Variants in DCC observed in about 807,000 individuals in gnomAD.
DCC encodes DCC netrin 1 receptor.
In DCC, 58 loss-of-function variants were observed where a neutral mutation model predicts 172.5. The ratio of observed to expected loss-of-function variants is 0.34; its 90% CI spans 0.27 to 0.42. The LOEUF is 0.42. Among genes scored for constraint, DCC ranks in the 10% least tolerant of loss-of-function variants. The pLI is 1.00. For synonymous variants in DCC, 709 were observed against 644.5 expected, an observed-to-expected ratio of 1.10 and a Z score of -1.52; for missense variants, 1,740 against 1,791.0, an observed-to-expected ratio of 0.97 and a Z score of 0.51.
At chr18:53,527,263 A>C (rs1014307666) in intron 28 of DCC, among the ~76,000 whole-genome samples, 2 of 151,138 alleles carry the variant, frequency 1.3e-5, no homozygotes, top group Non-Finnish European at 2.9e-5. Flanking sequence ...GCTAGAGGGT[A>C]GTGGCTATTC....
intron 1 of DCC, among the ~76,000 whole-genome samples, chr18:52,499,055 C>T (rs1037428037): frequency 7.2e-5 from 11 of 152,156 alleles, no homozygotes; most frequent in Non-Finnish European, 1.5e-4. Flanking sequence ...CATGATGTCC[C>T]ATTGTCACTG....
intron 13 of DCC, among the ~76,000 whole-genome samples, chr18:53,315,111 C>T (rs1568050509): frequency 6.6e-6 from 1 of 152,176 alleles, no homozygotes; most frequent in Non-Finnish European, 1.5e-5. Flanking sequence ...TATCCCTCCC[C>T]TAGCCCCCCA....
chr18:53,381,344 G>T (rs1907716741), intron 15 of DCC, among the ~76,000 whole-genome samples: 2 of 151,946 alleles, frequency 1.3e-5, no homozygotes, highest in African/African-American at 2.4e-5. Flanking sequence ...GCATCTGGGT[G>T]GTGGGAACAG....
At chr18:53,403,084 A>T (rs1319979172) in intron 19 of DCC, among the ~76,000 whole-genome samples, 191 bp downstream of exon 19, 3 of 80,834 alleles carry the variant, frequency 3.7e-5, no homozygotes, top group Admixed American at 1.1e-4. Context: ...GCACACACAC[A>T]CACACACACA....
At chr18:52,587,534 AT>A (rs2033702171) in intron 1 of DCC, among the ~76,000 whole-genome samples, 1 of 152,068 alleles carries the variant, frequency 6.6e-6, no homozygotes, top group Non-Finnish European at 1.5e-5. Flanking sequence ...TTTGTCACCA[AT>A]TTTCCAATCA....
intron 2 of DCC, among the ~76,000 whole-genome samples, chr18:52,815,154 AT>A (rs2038269958): frequency 6.6e-6 from 1 of 152,150 alleles, no homozygotes; most frequent in African/African-American, 2.4e-5. Context: ...AGGCTTAATA[AT>A]TTTGGTGAAA....
chr18:53,116,952 T>C (rs2043417382), intron 7 of DCC, among the ~76,000 whole-genome samples: 1 of 151,704 alleles, frequency 6.6e-6, no homozygotes, highest in African/African-American at 2.4e-5. Context: ...CAAAATAGTT[T>C]AGATTTTCAA....
At chr18:52,874,565 A>C (rs1243756387) in intron 2 of DCC, among the ~76,000 whole-genome samples, 2 of 152,186 alleles carry the variant, frequency 1.3e-5, no homozygotes, top group Admixed American at 6.5e-5. Context: ...TTTTTCATCT[A>C]GTTCTCCATC....
chr18:52,617,100 G>T (rs555983280), intron 1 of DCC, among the ~76,000 whole-genome samples: 7 of 152,278 alleles, frequency 4.6e-5, no homozygotes, highest in Admixed American at 4.6e-4. Flanking sequence ...AAGGTGTACT[G>T]TCTGGCAGAG....
At chr18:53,438,088 G>A (rs1485278737) in intron 22 of DCC, among the ~76,000 whole-genome samples, 2 of 152,212 alleles carry the variant, frequency 1.3e-5, no homozygotes, top group Admixed American at 1.3e-4. Flanking sequence ...CAGGAAATTA[G>A]CATTGTCCCC....
intron 2 of DCC, among the ~76,000 whole-genome samples, chr18:52,802,851 T>TAG (rs2038018919): frequency 6.6e-6 from 1 of 151,578 alleles, no homozygotes; most frequent in African/African-American, 2.4e-5. Context: ...CCAGAAACCT[T>TAG]GCTAATAACT....
At chr18:53,515,269 C>A (rs1453886397) in intron 27 of DCC, among the ~76,000 whole-genome samples, 1 of 151,832 alleles carries the variant, frequency 6.6e-6, no homozygotes, top group Non-Finnish European at 1.5e-5. Flanking sequence ...TAAAAACTCT[C>A]AATAAATTAG....
At chr18:53,211,312 G>C (rs565277208) in intron 11 of DCC, among the ~76,000 whole-genome samples, 1 of 152,298 alleles carries the variant, frequency 6.6e-6, no homozygotes, top group Non-Finnish European at 1.5e-5. Context: ...TTCACAACAG[G>C]TAGTAAGCAG....
intron 1 of DCC, among the ~76,000 whole-genome samples, chr18:52,373,243 A>T (rs1177769269): frequency 6.6e-6 from 1 of 152,046 alleles, no homozygotes; most frequent in Non-Finnish European, 1.5e-5. Context: ...CTTTCCCCCT[A>T]CCCTCAAATG....
At chr18:52,890,096 C>A (rs985891053) in intron 2 of DCC, among the ~76,000 whole-genome samples, 1 of 152,040 alleles carries the variant, frequency 6.6e-6, no homozygotes, top group African/African-American at 2.4e-5. Flanking sequence ...AAACTAAGAT[C>A]TATGCAATAT....
chr18:52,694,103 T>G (rs2035973354), intron 1 of DCC, among the ~76,000 whole-genome samples: 1 of 152,064 alleles, frequency 6.6e-6, no homozygotes. Context: ...CAGTATGATA[T>G]GATGAGGAGA....
intron 2 of DCC, among the ~76,000 whole-genome samples, chr18:52,811,077 A>C (rs925350409): frequency 6.6e-6 from 1 of 152,216 alleles, no homozygotes; most frequent in Non-Finnish European, 1.5e-5. Flanking sequence ...GGGAAATTGA[A>C]CAATTCAAGC....
At position 52,768,660 on chromosome 18, in the gene DCC, CT is replaced by C. The variant is rs2037292985; in HGVS notation, c.412+16288del. Among the ~76,000 whole-genome samples the C allele has an allele frequency of 5.3e-5, 8 of 152,092 alleles. No individual in the cohort carries two copies. In the South Asian group the frequency reaches 1.7e-3, roughly 31 times the overall value. On this transcript the variant is annotated intron_variant, in intron 2 of 28. Coordinates refer to ENST00000442544, the MANE Select transcript of DCC (RefSeq NM_005215.4). ...AAAGCTTTACAACATACACCCTAAT[CT>C]TGCTTCTTTGTTTTTAAGTCTTCTT...
intron 7 of DCC, among the ~76,000 whole-genome samples, chr18:53,127,848 A>G (rs1209476185): frequency 6.6e-6 from 1 of 152,132 alleles, no homozygotes; most frequent in Non-Finnish European, 1.5e-5. Flanking sequence ...GTGCCATTCA[A>G]CTGGAACACC....
Sources: gnomAD v4.1 joint callset for allele counts (sites outside exome capture counted in the v4.1 genomes callset) on GRCh38, gnomAD v4.1.1 for gene constraint, MANE v1.5 for transcripts, NCBI Gene and HGNC (gene_info 2026-07-23, HGNC 2026-07-21) for gene names.